Variants in CHD2 observed in about 807,000 individuals in gnomAD.
CHD2 encodes chromodomain helicase DNA binding protein 2.
CHD2 carries 28 observed loss-of-function variants against 243.9 expected under a neutral mutation model. The observed-to-expected ratio is 0.11, with a 90% confidence interval of 0.09 to 0.16. The LOEUF is 0.16. Ranked by LOEUF, CHD2 falls within the 10% of genes least tolerant of loss-of-function variation. The pLI, the probability that CHD2 is intolerant of heterozygous loss-of-function variation, is 1.00. For missense variants in CHD2, 1,386 were observed against 2,209.8 expected, an observed-to-expected ratio of 0.63 and a Z score of 7.47; for synonymous variants, 775 against 779.0, an observed-to-expected ratio of 0.99 and a Z score of 0.09.
rs2141787641 is a variant in CHD2, at chr15:92,943,015, G to T, written c.999G>T (p.Lys333Asn). Residue 333 changes from lysine to asparagine, a missense_variant, in exon 9 of 39, where the codon AAG becomes AAT. By Grantham distance (94) the Lys-to-Asn change is moderately conservative. Transcript: ENST00000394196. ...SEESLQQQKV[K>N]GLKKLENFKK... ...AATCCTTACAGCAACAGAAAGTGAA[G>T]GGCCTAAAAAAACTAGAGAACTTCA... 1 of 1,613,916 alleles carries T rather than the reference G, an allele frequency of 6.2e-7. No homozygotes were observed. Among genetic ancestry groups the T allele is most frequent in the Middle Eastern group, 1.6e-4 (1 of 6,062 alleles).
intron 2 of CHD2, among the ~76,000 whole-genome samples, chr15:92,914,393 G>C (rs904323315): frequency 6.6e-6 from 1 of 152,170 alleles, no homozygotes; most frequent in African/African-American, 2.4e-5. Flanking sequence ...TAACTAATTT[G>C]TACCTTAACC....
In CHD2 at chr15:92,906,238, T is replaced by C. The variant is rs567221801; in HGVS notation, c.62+4939T>C. Among the ~76,000 whole-genome samples the C allele has an allele frequency of 2.1e-3, 315 of 152,288 alleles. 2 individuals are homozygous for C. Among genetic ancestry groups the C allele is most frequent in the African/African-American group, 7.4e-3 (308 of 41,570 alleles). ...TCAAGCAGCAAGAAAAGAGTGTTGATCGATTTCTCTCTCTTTCTCTCTCTC... is the reference window on the plus strand; with the variant it reads ...TCAAGCAGCAAGAAAAGAGTGTTGACCGATTTCTCTCTCTTTCTCTCTCTC... On this transcript the variant is annotated intron_variant, in intron 2 of 38. Transcript: ENST00000394196.
chr15:92,910,283 G>C (rs1164504735), intron 2 of CHD2, among the ~76,000 whole-genome samples: 1 of 152,140 alleles, frequency 6.6e-6, no homozygotes, highest in Non-Finnish European at 1.5e-5. Context: ...TAATATGAAA[G>C]TCAGTATAGC....
chr15:92,974,991 C>T, intron 20 of CHD2, 41 bp downstream of exon 20: 1 of 1,524,762 alleles, frequency 6.6e-7, no homozygotes, highest in Non-Finnish European at 9.1e-7. Context: ...AACTTGGGCT[C>T]TGCATCAAGG....
At chr15:92,957,580 T>A (rs1421777775) in intron 16 of CHD2, among the ~76,000 whole-genome samples, 1 of 152,184 alleles carries the variant, frequency 6.6e-6, no homozygotes, top group Non-Finnish European at 1.5e-5. Flanking sequence ...TCCCATTGTC[T>A]AGAATAGCAC....
At chr15:92,992,362 C>G (rs1314524135) in intron 27 of CHD2, among the ~76,000 whole-genome samples, 2 of 152,138 alleles carry the variant, frequency 1.3e-5, no homozygotes, top group East Asian at 1.9e-4. Context: ...GGCTTGACAC[C>G]TTTTGACAGC....
intron 34 of CHD2, among the ~76,000 whole-genome samples, chr15:93,006,421 G>T (rs1245773077): frequency 6.6e-6 from 1 of 151,928 alleles, no homozygotes; most frequent in Non-Finnish European, 1.5e-5. Flanking sequence ...CACCGCACCC[G>T]GCCTTTTCTC....
Position 92,997,128 on chromosome 15 carries a change from C to G in CHD2, c.3734+33C>G. The G allele has an allele frequency of 6.2e-7, 1 of 1,605,086 alleles. No homozygotes were observed. The highest frequency in any genetic ancestry group is 8.5e-7 in the Non-Finnish European group (1 of 1,176,938). ...TATTTTGTGTACATGCTTAGATGGT[C>G]GTACCGTAAGAAAATAGATTTGAAG... On this transcript the variant is annotated intron_variant, in intron 29 of 38. Transcript: ENST00000394196. The surrounding 1 kb of genome is among the most constrained non-coding windows in gnomAD (Gnocchi z 4.1).
chr15:92,964,144 C>T (rs1189171026), intron 16 of CHD2, among the ~76,000 whole-genome samples: 1 of 152,196 alleles, frequency 6.6e-6, no homozygotes, highest in Non-Finnish European at 1.5e-5. Flanking sequence ...CAGGGAGTCT[C>T]TTCCAAAATT....
At chr15:93,017,553 G>A (rs2054480212) in intron 37 of CHD2, among the ~76,000 whole-genome samples, 3 of 139,540 alleles carry the variant, frequency 2.1e-5, no homozygotes, top group Non-Finnish European at 3.0e-5. Context: ...CACCATGTTG[G>A]CCAAGGTGGT....
intron 16 of CHD2, among the ~76,000 whole-genome samples, chr15:92,957,182 G>T (rs560766318): frequency 1.3e-5 from 2 of 152,156 alleles, no homozygotes; most frequent in East Asian, 3.8e-4. Context: ...TCATTAATTT[G>T]GAGGACTCCA....
At position 92,985,669 on chromosome 15, in the gene CHD2, C is replaced by T. The variant is rs773860345; in HGVS notation, c.3409C>T (p.Arg1137Ter). Residue 1137 changes from arginine to a stop codon, truncating the protein, a stop_gained, in exon 26 of 39, where the codon CGA becomes TGA. Coordinates refer to ENST00000394196, the MANE Select transcript of CHD2 (RefSeq NM_001271.4). LOFTEE classifies it high-confidence loss of function. ...LVEGFTDAEIRRFIKAYKKFG... is the reference protein window; with the variant it reads ...LVEGFTDAEI ...GGAGGGATTTACTGATGCAGAGATC[C>T]GAAGGTTGGTGGAGGCTCTGTTCTC... 1 of 1,609,598 alleles carries T rather than the reference C, an allele frequency of 6.2e-7. No individual in the cohort carries two copies.
At chr15:93,016,934 AAG>A (rs1472508094) in intron 37 of CHD2, among the ~76,000 whole-genome samples, 2 of 152,262 alleles carry the variant, frequency 1.3e-5, no homozygotes, top group Admixed American at 1.3e-4. Context: ...GTTCATGTAA[AAG>A]AGAAAATTCA....
chr15:93,017,200 C>T (rs1813948501), intron 37 of CHD2, among the ~76,000 whole-genome samples: 1 of 152,220 alleles, frequency 6.6e-6, no homozygotes, highest in Non-Finnish European at 1.5e-5. Context: ...TGCAGGTGCT[C>T]AGGATCACTG....
chr15:92,963,624 G>T (rs1360668528), intron 16 of CHD2, among the ~76,000 whole-genome samples: 1 of 152,148 alleles, frequency 6.6e-6, no homozygotes, highest in African/African-American at 2.4e-5. Flanking sequence ...TCGCTGTTGG[G>T]TATTGCTTTC....
At chr15:92,979,364 C>T (rs919280642) in intron 22 of CHD2, 81 bp downstream of exon 22, 1 of 1,512,188 alleles carries the variant, frequency 6.6e-7, no homozygotes, top group Non-Finnish European at 9.0e-7. Flanking sequence ...TTTTCTACCA[C>T]AGACATTAGT....
chr15:92,913,055 G>T (rs1226740842), intron 2 of CHD2, among the ~76,000 whole-genome samples: 2 of 152,152 alleles, frequency 1.3e-5, no homozygotes, highest in Non-Finnish European at 2.9e-5. Context: ...AAGTTTACTT[G>T]CTAAAAATCA....
At position 92,998,348 on chromosome 15, in the gene CHD2, A is replaced by G. The variant is rs552272124; in HGVS notation, c.3886-151A>G. 2 of 1,383,216 alleles carry G rather than the reference A, an allele frequency of 1.4e-6. No individual in the cohort carries two copies. Among genetic ancestry groups the G allele is most frequent in the Admixed American group, 5.0e-5 (2 of 40,088 alleles). The allele number at this position is 1,383,216 out of a possible 1,614,324, so 85.7% of individuals were successfully genotyped here. Reference sequence around the variant, plus strand: ...GAGGGATTTTCAGTGACTGGGAGCCATGGACATGAGATAGGATCTGAGGCT... The same window carrying G: ...GAGGGATTTTCAGTGACTGGGAGCCGTGGACATGAGATAGGATCTGAGGCT... On this transcript the variant is annotated intron_variant, in intron 30 of 38. Transcript: ENST00000394196. This position sits in a 1 kb window ranked among gnomAD's most constrained non-coding sequence, Gnocchi z 5.1.
intron 31 of CHD2, 129 bp from the exon 32 acceptor site, chr15:93,000,383 T>C (rs2054239429): frequency 2.0e-6 from 2 of 999,240 alleles, no homozygotes; most frequent in Non-Finnish European, 1.4e-6. Flanking sequence ...TTGCACTCTT[T>C]TGATTTCTTT....
Sources: gnomAD v4.1 joint callset for allele counts (sites outside exome capture counted in the v4.1 genomes callset) on GRCh38, gnomAD v4.1.1 for gene constraint, Gnocchi (gnomAD v3.1) non-coding constraint, MANE v1.5 for transcripts, NCBI Gene and HGNC (gene_info 2026-07-23, HGNC 2026-07-21) for gene names.